LMO7: variants seen among roughly 807,000 people sequenced by gnomAD.
LMO7 encodes the protein LIM domain 7.
Under a neutral mutation model 206.5 loss-of-function variants are expected in LMO7, and 120 were observed. The ratio of observed to expected loss-of-function variants is 0.58; its 90% CI spans 0.50 to 0.68. The LOEUF (loss-of-function observed/expected upper bound fraction) is 0.68. Ranked by LOEUF, LMO7 falls within the 30% of genes least tolerant of loss-of-function variation. The pLI, the probability that LMO7 is intolerant of heterozygous loss-of-function variation, is 0.00. For synonymous variants in LMO7, 706 were observed against 681.5 expected (o/e 1.04, Z -0.56); for missense variants, 1,959 against 1,957.9 (o/e 1.00, Z -0.01).
intron 1 of LMO7, among the ~76,000 whole-genome samples, chr13:75,684,807 G>GTA (rs896401010): frequency 1.3e-5 from 2 of 148,154 alleles, no homozygotes; most frequent in Non-Finnish European, 3.0e-5. Flanking sequence ...GTGTGTGTGT[G>GTA]TATATGTATA....
intron 2 of LMO7, among the ~76,000 whole-genome samples, chr13:75,713,741 A>G (rs971308800): frequency 1.3e-5 from 2 of 152,168 alleles, no homozygotes; most frequent in Non-Finnish European, 2.9e-5. Context: ...CATTCATTCA[A>G]TTAATAGACA....
At chr13:75,623,305 G>A in exon 2 of LMO7, 1 of 1,434,454 alleles carries the variant, frequency 7.0e-7, no homozygotes, top group Non-Finnish European at 9.8e-7. Context: ...ATTCAGGAAG[G>A]ACTATTCTCA....
chr13:75,733,126 G>C (rs575417178), intron 3 of LMO7, among the ~76,000 whole-genome samples: 1 of 152,186 alleles, frequency 6.6e-6, no homozygotes, highest in Non-Finnish European at 1.5e-5. Context: ...CTCCAGCTGC[G>C]TGCTGGGAGA....
chr13:75,726,922 T>TA, intron 2 of LMO7, 107 bp from the exon 3 acceptor site: 1 of 705,058 alleles, frequency 1.4e-6, no homozygotes, highest in Admixed American at 2.1e-5. Flanking sequence ...GCTCTCTGTA[T>TA]AACACATTGA....
rs889250281 is a variant in LMO7 at position 75,664,418 on chromosome 13, G to A, written c.69+27692G>A. On this transcript the variant is annotated intron_variant, in intron 1 of 30. Coordinates refer to ENST00000377534, the MANE Select transcript of LMO7 (RefSeq NM_001306080.2). Reference sequence around the variant, plus strand: ...TTGTAAGTACCAATTTTTTTTATCTGTTCATCTGCTGATGGACACTTAGGT... The same window carrying A: ...TTGTAAGTACCAATTTTTTTTATCTATTCATCTGCTGATGGACACTTAGGT... Among the ~76,000 whole-genome samples the A allele has an allele frequency of 3.9e-5, 6 of 151,964 alleles. No individual in the cohort carries two copies. In the East Asian group the frequency reaches 7.7e-4, roughly 20 times the overall value.
chr13:75,709,512 T>C (rs1210995500), intron 1 of LMO7, among the ~76,000 whole-genome samples: 3 of 152,108 alleles, frequency 2.0e-5, no homozygotes, highest in Non-Finnish European at 4.4e-5. Context: ...AGATGGTATC[T>C]CATTGTGGTT....
intron 1 of LMO7, among the ~76,000 whole-genome samples, chr13:75,665,542 T>TC (rs1484207172): frequency 6.6e-6 from 1 of 151,992 alleles, no homozygotes; most frequent in African/African-American, 2.4e-5. Flanking sequence ...TTTTTTTTTT[T>TC]TGAGTCAAAG....
At chr13:75,818,585 G>T (rs1237057783) in intron 12 of LMO7, among the ~76,000 whole-genome samples, 1 of 152,168 alleles carries the variant, frequency 6.6e-6, no homozygotes, top group Non-Finnish European at 1.5e-5. Flanking sequence ...TGTCCCTGGG[G>T]TCACCCAGCA....
chr13:75,747,580 C>A (rs1168534429), intron 3 of LMO7, among the ~76,000 whole-genome samples: 1 of 152,124 alleles, frequency 6.6e-6, no homozygotes, highest in Non-Finnish European at 1.5e-5. Flanking sequence ...TATCAGTGAG[C>A]CTTCGAGTGA....
intron 1 of LMO7, among the ~76,000 whole-genome samples, chr13:75,699,617 G>A (rs955815724): frequency 1.5e-4 from 20 of 134,436 alleles, no homozygotes; most frequent in African/African-American, 4.2e-4. Context: ...TTTCAAAAGG[G>A]GAGGGAGTGT....
At chr13:75,853,704 T>C (rs954059433) in intron 28 of LMO7, among the ~76,000 whole-genome samples, 1 of 152,216 alleles carries the variant, frequency 6.6e-6, no homozygotes, top group South Asian at 2.1e-4. Context: ...CAGTGTGGAA[T>C]CATGAAAACA....
chr13:75,688,568 T>C (rs1188332243), intron 1 of LMO7: 1 of 152,354 alleles, frequency 6.6e-6, no homozygotes, highest in Non-Finnish European at 1.5e-5. Flanking sequence ...TATCCCATGT[T>C]GTTTTTGGTT....
intron 3 of LMO7, among the ~76,000 whole-genome samples, chr13:75,756,673 T>C (rs908215996): frequency 3.3e-5 from 5 of 152,194 alleles, no homozygotes; most frequent in African/African-American, 1.2e-4. Context: ...TCTTAACACC[T>C]GTCACTCTAT....
chr13:75,629,789 C>T (rs982723476), intron 2 of LMO7, among the ~76,000 whole-genome samples: 10 of 152,070 alleles, frequency 6.6e-5, no homozygotes, highest in Non-Finnish European at 1.5e-4. Context: ...AGAGACTTAA[C>T]TAAGGTAGTA....
At chr13:75,630,645 A>T (rs1035412555) in intron 2 of LMO7, among the ~76,000 whole-genome samples, 1 of 152,286 alleles carries the variant, frequency 6.6e-6, no homozygotes, top group East Asian at 1.9e-4. Flanking sequence ...AGCCTGGGTG[A>T]CAGAGTGAGA....
At chr13:75,796,376 A>G (rs2054009637) in intron 5 of LMO7, among the ~76,000 whole-genome samples, 1 of 152,196 alleles carries the variant, frequency 6.6e-6, no homozygotes, top group Non-Finnish European at 1.5e-5. Context: ...CTCTTCGTAT[A>G]TACTAGTAGA....
chr13:75,701,442 T>C (rs1243679217), intron 1 of LMO7, among the ~76,000 whole-genome samples: 3 of 152,220 alleles, frequency 2.0e-5, no homozygotes, highest in Non-Finnish European at 1.5e-5. Flanking sequence ...GCGATGCCTT[T>C]CCTAGTAATT....
At chr13:75,856,884 G>T (rs75502311) in intron 30 of LMO7, 14,102 of 255,302 alleles carry the variant, frequency 0.055, 520 homozygotes, top group Middle Eastern at 0.11. Flanking sequence ...CCCAGAGTCC[G>T]CAGAGACCTT....
At position 75,789,556 on chromosome 13, in the gene LMO7, C is replaced by G. The variant is rs138009546; in HGVS notation, c.318-5845C>G. Reference sequence around the variant, plus strand: ...CTGGTTCTGTGAGTGGCTTTGATAGCTCATATATGAACATTTAAATGCTTG... The same window carrying G: ...CTGGTTCTGTGAGTGGCTTTGATAGGTCATATATGAACATTTAAATGCTTG... On this transcript the variant is annotated intron_variant, in intron 4 of 30. Coordinates refer to ENST00000377534, the MANE Select transcript of LMO7 (RefSeq NM_001306080.2). Among the ~76,000 whole-genome samples, 138 of 152,284 alleles carry G rather than the reference C, an allele frequency of 9.1e-4. 2 individuals carry two copies. Among genetic ancestry groups the G allele is most frequent in the Middle Eastern group, 3.4e-3 (1 of 294 alleles).
Sources: allele counts gnomAD v4.1 joint callset (sites outside exome capture counted in the v4.1 genomes callset), GRCh38; gene constraint gnomAD v4.1.1; transcripts MANE v1.5; gene names NCBI Gene and HGNC (gene_info 2026-07-23, HGNC 2026-07-21).